The following SKAP1 variants were observed in gnomAD, a reference collection of about 807,000 sequenced individuals.
SKAP1 encodes the protein src kinase-associated phosphoprotein 1.
SKAP1 carries 44 observed loss-of-function variants against 58.5 expected under a neutral mutation model. The ratio of observed to expected loss-of-function variants is 0.75; its 90% confidence interval spans 0.59 to 0.97. The LOEUF (loss-of-function observed/expected upper bound fraction) is 0.97, where lower values mean the gene tolerates loss of function less well. Ranked by LOEUF, SKAP1 falls within the 50% of genes least tolerant of loss-of-function variation. The pLI is 0.00. For missense variants in SKAP1, 390 were observed against 435.2 expected, an observed-to-expected ratio of 0.90 and a Z score of 0.92; for synonymous variants, 127 against 149.7, an observed-to-expected ratio of 0.85 and a Z score of 1.11.
chr17:48,284,019 G>A (rs2065800294), intron 4 of SKAP1, among the ~76,000 whole-genome samples: 1 of 152,206 alleles, frequency 6.6e-6, no homozygotes, highest in South Asian at 2.1e-4. Context: ...CCTAAACTCA[G>A]CTCACAGGTA....
At chr17:48,396,409 A>G (rs1314363162) in intron 2 of SKAP1, among the ~76,000 whole-genome samples, 2 of 152,244 alleles carry the variant, frequency 1.3e-5, no homozygotes, top group African/African-American at 2.4e-5. Flanking sequence ...AGTTAAATGC[A>G]AAAGTGGTCA....
intron 4 of SKAP1, among the ~76,000 whole-genome samples, chr17:48,263,958 G>A (rs1317840419): frequency 2.0e-5 from 3 of 151,966 alleles, no homozygotes; most frequent in Admixed American, 1.3e-4. Flanking sequence ...AGACAGAGAC[G>A]TACATTTGCA....
chr17:48,356,934 C>T (rs1387807597), intron 3 of SKAP1, among the ~76,000 whole-genome samples: 1 of 152,132 alleles, frequency 6.6e-6, no homozygotes, highest in Non-Finnish European at 1.5e-5. Context: ...CTAGTTTGCT[C>T]AAATTACCCT....
chr17:48,420,626 T>G (rs2067782568), intron 1 of SKAP1, among the ~76,000 whole-genome samples: 1 of 152,186 alleles, frequency 6.6e-6, no homozygotes, highest in Admixed American at 6.5e-5. Flanking sequence ...AATGCTCAAA[T>G]CATTTGCATG....
intron 1 of SKAP1, among the ~76,000 whole-genome samples, chr17:48,428,390 AAGG>A (rs781194297): frequency 1.3e-5 from 2 of 152,212 alleles, no homozygotes; most frequent in Non-Finnish European, 2.9e-5. Context: ...TCTGCTTTAG[AAGG>A]AGATCTGAAG....
chr17:48,221,355 T>C (rs917270266), intron 4 of SKAP1, among the ~76,000 whole-genome samples: 1 of 152,204 alleles, frequency 6.6e-6, no homozygotes, highest in African/African-American at 2.4e-5. Context: ...ATAAAAAAGT[T>C]GACAAAAAAC....
Position 48,410,422 on chromosome 17 carries a change from A to G in SKAP1, c.47-13637T>C, listed in dbSNP as rs138547835. Among the ~76,000 whole-genome samples, 75 of 152,306 alleles carry G rather than the reference A, an allele frequency of 4.9e-4. 1 individual carries two copies. The highest frequency in any genetic ancestry group is 1.3e-3 in the Admixed American group (20 of 15,294). ...GAGGACCTAAAAGAAATGACATCAC[A>G]GTAACAAGGAGCATACCTAGCACAA... On this transcript the variant is annotated intron_variant, in intron 1 of 12. Transcript: ENST00000336915.
intron 2 of SKAP1, among the ~76,000 whole-genome samples, chr17:48,366,268 G>A (rs569404998): frequency 6.6e-6 from 1 of 152,256 alleles, no homozygotes; most frequent in East Asian, 1.9e-4. Context: ...GTTTAATTTG[G>A]GGAACATTAT....
intron 1 of SKAP1, among the ~76,000 whole-genome samples, chr17:48,406,179 C>A (rs986143512): frequency 2.6e-5 from 4 of 151,682 alleles, no homozygotes; most frequent in Admixed American, 6.6e-5. Context: ...GCAGGAGAAT[C>A]GCTTGAACCT....
At chr17:48,200,668 G>A (rs2143609265) in intron 4 of SKAP1, among the ~76,000 whole-genome samples, 1 of 152,194 alleles carries the variant, frequency 6.6e-6, no homozygotes, top group East Asian at 1.9e-4. Flanking sequence ...ATGAGCCACC[G>A]CGCCCGGCCC....
At chr17:48,364,064 A>G (rs1176904939) in intron 2 of SKAP1, among the ~76,000 whole-genome samples, 2 of 152,214 alleles carry the variant, frequency 1.3e-5, no homozygotes, top group Non-Finnish European at 2.9e-5. Context: ...GAAAGGTCCT[A>G]AAAGGGAACC....
At chr17:48,288,169 T>G (rs35532660) in intron 4 of SKAP1, among the ~76,000 whole-genome samples, 7 of 152,170 alleles carry the variant, frequency 4.6e-5, no homozygotes, top group African/African-American at 1.7e-4. Flanking sequence ...TTAAGACAAG[T>G]GGTAACATTT....
intron 4 of SKAP1, among the ~76,000 whole-genome samples, chr17:48,325,067 T>C (rs975610210): frequency 6.6e-6 from 1 of 151,812 alleles, no homozygotes; most frequent in African/African-American, 2.4e-5. Context: ...GCTAACACGG[T>C]GAAACCCCGT....
At chr17:48,371,984 T>TA (rs1364899695) in intron 2 of SKAP1, among the ~76,000 whole-genome samples, 1 of 152,158 alleles carries the variant, frequency 6.6e-6, no homozygotes, top group Non-Finnish European at 1.5e-5. Context: ...ATCATATATA[T>TA]TTTTTTGAGA....
At chr17:48,150,288 G>GT (rs2063884864) in intron 11 of SKAP1, among the ~76,000 whole-genome samples, 1 of 152,170 alleles carries the variant, frequency 6.6e-6, no homozygotes, top group South Asian at 2.1e-4. Context: ...GGATTATCTT[G>GT]TAGAGGATAA....
chr17:48,404,219 G>A (rs1344556465), intron 1 of SKAP1, among the ~76,000 whole-genome samples: 3 of 152,062 alleles, frequency 2.0e-5, no homozygotes, highest in East Asian at 1.9e-4. Flanking sequence ...TTGGGTGGCC[G>A]AGGCGGGCGG....
intron 4 of SKAP1, among the ~76,000 whole-genome samples, chr17:48,278,853 T>C (rs1299745399): frequency 6.6e-6 from 1 of 152,094 alleles, no homozygotes; most frequent in Admixed American, 6.6e-5. Flanking sequence ...TGGAAAGACA[T>C]CCATGTGTTA....
intron 4 of SKAP1, among the ~76,000 whole-genome samples, chr17:48,219,161 G>A (rs1440406862): frequency 1.2e-4 from 18 of 152,158 alleles, no homozygotes; most frequent in Admixed American, 1.2e-3. Context: ...CAATATTAAT[G>A]AGGTTACTTG....
At chr17:48,410,952 A>G (rs2067655879) in intron 1 of SKAP1, among the ~76,000 whole-genome samples, 1 of 149,420 alleles carries the variant, frequency 6.7e-6, no homozygotes, top group East Asian at 1.9e-4. Flanking sequence ...AAAAAAAAAA[A>G]AAAAAGAAAG....
Sources: gnomAD v4.1 joint callset for allele counts (sites outside exome capture counted in the v4.1 genomes callset) on GRCh38, gnomAD v4.1.1 for gene constraint, MANE v1.5 for transcripts, NCBI Gene and HGNC (gene_info 2026-07-23, HGNC 2026-07-21) for gene names.